MCRS1: variants seen among roughly 807,000 people sequenced by gnomAD.
MCRS1 encodes the protein 58 kDa microspherule protein.
A neutral mutation model predicts 62.9 loss-of-function variants in MCRS1; 22 were observed. The observed-to-expected ratio is 0.35, with a 90% CI of 0.25 to 0.50. The LOEUF (loss-of-function observed/expected upper bound fraction) is 0.50. Among genes scored for constraint, MCRS1 ranks in the 20% least tolerant of loss-of-function variants. MCRS1 has a pLI of 0.98. For missense variants in MCRS1, 456 were observed against 601.1 expected (o/e 0.76, Z 2.52); for synonymous variants, 244 against 233.5 (o/e 1.04, Z -0.41).
intron 4 of MCRS1, 92 bp from the exon 5 acceptor site, chr12:49,564,987 G>A (rs1398667501): frequency 2.1e-6 from 3 of 1,460,942 alleles, no homozygotes; most frequent in African/African-American, 1.4e-5. Context: ...TGTGGCAGCG[G>A]CAGCCCCAGC....
chr12:49,558,338 C>A lies in MCRS1; in HGVS notation c.*305G>T. The A allele has an allele frequency of 2.5e-6, 1 of 405,024 alleles. No individual in the cohort carries two copies. The highest frequency in any genetic ancestry group is 3.5e-5 in the East Asian group (1 of 28,298). 25.1% of individuals were successfully genotyped at this position (405,024 alleles called of 1,614,324 possible). A position where few individuals can be genotyped will look rare whatever the true frequency, so the allele number is the denominator to read the frequency against. The stretch of plus-strand genomic sequence containing the variant: ...GTGCTTTTTATTTACAAAAGAAAAA[C>A]AATAAAAGAAGAGTCTGAGGCTAAT... On this transcript the variant is annotated 3_prime_UTR_variant, in exon 15 of 15. Coordinates refer to ENST00000343810, the MANE Select transcript of MCRS1 (RefSeq NM_006337.5).
intron 7 of MCRS1, 47 bp downstream of exon 7, chr12:49,563,391 G>A: frequency 6.4e-7 from 1 of 1,553,908 alleles, no homozygotes. Context: ...AGGTGGTCCA[G>A]CTCTCGCTGT....
rs765403468 is a variant in MCRS1 at position 49,564,522 on chromosome 12, C to G, written c.516G>C (p.Gln172His). The G allele has an allele frequency of 6.2e-7, 1 of 1,613,274 alleles. No individual in the cohort carries two copies. Among genetic ancestry groups the G allele is most frequent in the Non-Finnish European group, 8.5e-7 (1 of 1,179,666 alleles). ...CGTAGAGCAGGGCGTACCAACGCTC[C>G]TGGACCTCCCGAAGGGTGAAGCGGC... ...FSCRFTLREV[Q>H]ERWYALLYDP... Residue 172 changes from glutamine to histidine, a missense_variant, in exon 6 of 15, where the codon CAG becomes CAC. Physicochemically the swap from Gln to His is conservative, Grantham distance 24 (BLOSUM62 0). Coordinates refer to ENST00000343810, the MANE Select transcript of MCRS1 (RefSeq NM_006337.5).
intron 8 of MCRS1, among the ~76,000 whole-genome samples, chr12:49,562,647 T>C (rs1209879982): frequency 6.6e-6 from 1 of 152,218 alleles, no homozygotes; most frequent in Non-Finnish European, 1.5e-5. Flanking sequence ...AAGTGGACTT[T>C]CTTATTTTGC....
At chr12:49,564,987 G>GCAGCCC (rs1339172831) in intron 4 of MCRS1, 92 bp from the exon 5 acceptor site, 7 of 1,461,062 alleles carry the variant, frequency 4.8e-6, no homozygotes, top group South Asian at 3.0e-5. Context: ...TGTGGCAGCG[G>GCAGCCC]CAGCCCCAGC....
In MCRS1 at chr12:49,559,505, G is replaced by A; in HGVS notation, c.1034C>T (p.Thr345Ile). ...CATGCGGCCCCGCAGCACTGCCAGT[G>A]TCTGGTTGTCGAAGTCCGGAGAGCT... The part of the protein sequence containing the change: ...GMSSPDFDNQ[T>I]LAVLRGRMVR... The change falls in exon 12 of 15, where the codon ACA becomes ATA. Residue 345 changes from threonine (T) to isoleucine (I), a missense_variant. Around this residue, in one of 3 missense-constraint regions of MCRS1, gnomAD observed 393 missense variants for 523.5 expected, o/e 0.75. Transcript: ENST00000343810. The surrounding 1 kb of genome is among the most constrained non-coding windows in gnomAD (Gnocchi z 5.2). 6.2e-7 allele frequency: 1 copy of A among 1,612,300 alleles called. No individual in the cohort carries two copies. Among genetic ancestry groups the A allele is most frequent in the African/African-American group, 1.3e-5 (1 of 75,074 alleles).
chr12:49,559,567 C>G lies in MCRS1; in HGVS notation c.1004-32G>C. 1 of 1,605,686 alleles carries G rather than the reference C, an allele frequency of 6.2e-7. No homozygotes were observed. Among genetic ancestry groups the G allele is most frequent in the Non-Finnish European group, 8.5e-7 (1 of 1,178,556 alleles). On this transcript the variant is annotated intron_variant, in intron 11 of 14. Coordinates refer to ENST00000343810, the MANE Select transcript of MCRS1 (RefSeq NM_006337.5). This position sits in a 1 kb window ranked among gnomAD's most constrained non-coding sequence, Gnocchi z 5.2. ...GAAGAGGGAGTTTGGAAGAGCCTAC[C>G]CCTGAGGGCCAGAATGCAAGGCAGG...
rs775336172 is a variant in MCRS1, at chr12:49,564,576, G to A, written c.462C>T (p.Thr154=). 2 of 1,610,366 alleles carry A rather than the reference G, an allele frequency of 1.2e-6. No individual in the cohort carries two copies. The highest frequency in any genetic ancestry group is 1.7e-4 in the Middle Eastern group (1 of 6,024). The change falls in exon 6 of 15, where the codon ACC becomes ACT. Residue 154 remains threonine (T), a synonymous_variant. Transcript: ENST00000343810. ...INAVLQTNDL[T]SVHLGVKFSC... is the part of the protein sequence containing the mutation. ...TGAATTTCACGCCCAGGTGGACGGA[G>A]GTCAGGTCGTTGGTCTGCAAGGCCC...
intron 14 of MCRS1, 27 bp downstream of exon 14, chr12:49,558,816 G>A: frequency 2.5e-6 from 4 of 1,613,314 alleles, no homozygotes; most frequent in Non-Finnish European, 3.4e-6. Context: ...GTCTCATCCT[G>A]GCCTTCCTGC....
intron 1 of MCRS1, chr12:49,567,628 G>A (rs1463300396): frequency 7.9e-5 from 12 of 152,376 alleles, no homozygotes; most frequent in African/African-American, 2.9e-4. Context: ...CTGAGGTAGG[G>A]TCTGTGCCCC....
chr12:49,563,031 T>C lies in MCRS1; in HGVS notation c.775A>G (p.Lys259Glu). 1 of 1,592,760 alleles carries C rather than the reference T, an allele frequency of 6.3e-7. No homozygotes were observed. The highest frequency in any genetic ancestry group is 8.6e-7 in the Non-Finnish European group (1 of 1,167,826). ...KALQAHWQLM[K>E]QYYLLEDQTV... ...TGGTCCTCCAGCAGGTAATACTGCT[T>C]CATGAGCTGCCAGTGGGCCTGCAGG... The change falls in exon 8 of 15, where the codon AAG becomes GAG. Residue 259 changes from lysine (K) to glutamate (E), a missense_variant. Physicochemically the swap from Lys to Glu is moderately conservative, Grantham distance 56 (BLOSUM62 1). Around this residue, in one of 3 missense-constraint regions of MCRS1, gnomAD observed 393 missense variants for 523.5 expected, o/e 0.75. Transcript: ENST00000343810.
intron 8 of MCRS1, among the ~76,000 whole-genome samples, chr12:49,562,013 C>A (rs1048769070): frequency 2.0e-5 from 3 of 152,156 alleles, no homozygotes; most frequent in African/African-American, 7.2e-5. Context: ...TCTGTGATAT[C>A]TGAGTCTGAG....
chr12:49,558,874 T>G lies in MCRS1; in HGVS notation c.1271A>C (p.Lys424Thr). ...IDGRPVLCGS[K>T]WRLSNNSVVE... Reference sequence around the variant, plus strand: ...CACAGAGTTGTTGCTGAGGCGCCATTTGGAGCCACAGAGCACCGGCCGTCC... The same window carrying G: ...CACAGAGTTGTTGCTGAGGCGCCATGTGGAGCCACAGAGCACCGGCCGTCC... The change falls in exon 14 of 15, where the codon AAA (lysine) becomes ACA (threonine). Residue 424 changes from lysine (K) to threonine (T), a missense_variant. Around this residue, in one of 3 missense-constraint regions of MCRS1, gnomAD observed 393 missense variants for 523.5 expected, o/e 0.75. Coordinates refer to ENST00000343810, the MANE Select transcript of MCRS1 (RefSeq NM_006337.5). The G allele has an allele frequency of 6.2e-7, 1 of 1,613,076 alleles. No individual in the cohort carries two copies. Among genetic ancestry groups the G allele is most frequent in the East Asian group, 2.2e-5 (1 of 44,864 alleles).
chr12:49,566,718 C>G lies in MCRS1; in HGVS notation c.10+4G>C. On this transcript the variant is annotated splice_donor_region_variant and intron_variant, in intron 2 of 14. Coordinates refer to ENST00000343810, the MANE Select transcript of MCRS1 (RefSeq NM_006337.5). ...TTTGGGGAGCTGTCCCGGCCTCATA[C>G]TACCTTTGTCCATCCTCTTACAGTC... is the stretch of plus-strand genomic sequence containing the variant. The G allele has an allele frequency of 6.2e-7, 1 of 1,613,350 alleles. No individual in the cohort carries two copies. Among genetic ancestry groups the G allele is most frequent in the South Asian group, 1.1e-5 (1 of 90,928 alleles).
chr12:49,566,342 G>T, intron 2 of MCRS1, 127 bp from the exon 3 acceptor site: 1 of 1,565,770 alleles, frequency 6.4e-7, no homozygotes, highest in East Asian at 2.3e-5. Context: ...GACACTTGAG[G>T]TTTTAAGGTA....
At chr12:49,566,288 C>T in intron 2 of MCRS1, 73 bp from the exon 3 acceptor site, 2 of 1,572,078 alleles carry the variant, frequency 1.3e-6, no homozygotes, top group Non-Finnish European at 1.7e-6. Flanking sequence ...CCCTCCCCAG[C>T]CCCCTTCCCC....
intron 8 of MCRS1, among the ~76,000 whole-genome samples, chr12:49,560,613 T>C (rs550993224): frequency 1.3e-5 from 2 of 152,340 alleles, no homozygotes; most frequent in South Asian, 2.1e-4. Flanking sequence ...TATGGGCTTC[T>C]TGGTGTGCAA....
rs894453498 is a variant in MCRS1, at chr12:49,559,480, C to T, written c.1059G>A (p.Met353Ile). 1 of 1,613,260 alleles carries T rather than the reference C, an allele frequency of 6.2e-7. No homozygotes were observed. The highest frequency in any genetic ancestry group is 1.3e-5 in the African/African-American group (1 of 74,950). Residue 353 changes from methionine to isoleucine, a missense_variant, in exon 12 of 15, where the codon ATG becomes ATA. Physicochemically the swap from Met to Ile is conservative, Grantham distance 10. Coordinates refer to ENST00000343810, the MANE Select transcript of MCRS1 (RefSeq NM_006337.5). The surrounding 1 kb of genome is among the most constrained non-coding windows in gnomAD (Gnocchi z 5.2). ...CACGCGAGCGCATCAGGTACCGCACCATGCGGCCCCGCAGCACTGCCAGTG... is the reference window on the plus strand; with the variant it reads ...CACGCGAGCGCATCAGGTACCGCACTATGCGGCCCCGCAGCACTGCCAGTG... ...NQTLAVLRGR[M>I]VRYLMRSREI...
chr12:49,566,579 C>G, intron 2 of MCRS1, 143 bp downstream of exon 2: 1 of 1,481,028 alleles, frequency 6.8e-7, no homozygotes, highest in Non-Finnish European at 9.2e-7. Flanking sequence ...TGTGGCTCTG[C>G]CGACAGGTAC....
Sources: gnomAD v4.1 joint callset for allele counts (sites outside exome capture counted in the v4.1 genomes callset) on GRCh38, gnomAD v4.1.1 for gene constraint, gnomAD v4.1.1 regional missense constraint, Gnocchi (gnomAD v3.1) non-coding constraint, MANE v1.5 for transcripts, NCBI Gene and HGNC (gene_info 2026-07-23, HGNC 2026-07-21) for gene names.